Variants in CCNH observed in about 807,000 individuals in gnomAD.
CCNH encodes the protein cyclin H, also known as cyclin-H.
A neutral mutation model predicts 41.9 loss-of-function variants in CCNH; 31 were observed. The observed-to-expected ratio is 0.74, with a 90% CI of 0.56 to 1.00. The LOEUF (loss-of-function observed/expected upper bound fraction) is 1.00, where lower values mean the gene tolerates loss of function less well. CCNH is among the 50% of genes least tolerant of loss of function. The pLI is 0.00. For synonymous variants in CCNH, 138 were observed against 136.1 expected (o/e 1.01, Z -0.10); for missense variants, 362 against 388.4 (o/e 0.93, Z 0.57).
chr5:87,329,281 C>CAAAAAAAAAAAAAAAAAAAAA (rs571157213), intron 9 of CCNH, among the ~76,000 whole-genome samples: 7 of 119,174 alleles, frequency 5.9e-5, no homozygotes, highest in African/African-American at 2.1e-4. Context: ...TCTGTCTCTC[C>CAAAAAAAAAAAAAAAAAAAAA]AAAAAAAAAA....
At chr5:87,314,339 AT>A (rs1401788308), downstream of CCNH, among the ~76,000 whole-genome samples, 1 of 152,108 alleles carries the variant, frequency 6.6e-6, no homozygotes, top group Non-Finnish European at 1.5e-5. Context: ...TTCAGTTTTG[AT>A]TTGTGTTTTG....
In CCNH at chr5:87,364,527, C is replaced by T. The variant is rs559993980; in HGVS notation, c.*90+28243G>A. Reference sequence around the variant, plus strand: ...GATACCCTTTTTTTTCCCCTGAATACTCACTGATACCTCATAAAGAGTTGT... The same window carrying T: ...GATACCCTTTTTTTTCCCCTGAATATTCACTGATACCTCATAAAGAGTTGT... On this transcript the variant is annotated intron_variant and NMD_transcript_variant, in intron 9 of 9. Coordinates refer to the CCNH transcript ENST00000645953. Among the ~76,000 whole-genome samples the T allele has an allele frequency of 7.9e-5, 12 of 152,134 alleles. No individual in the cohort carries two copies. The East Asian group carries it at 2.3e-3, about 29-fold the overall frequency.
chr5:87,401,889 A>T, intron 5 of CCNH, 117 bp from the exon 6 acceptor site: 1 of 565,176 alleles, frequency 1.8e-6, no homozygotes, highest in Non-Finnish European at 3.0e-6. Flanking sequence ...TTTTAAATTT[A>T]TGAATGTATA....
At chr5:87,402,712 TCTC>T (rs1164678176) in intron 5 of CCNH, among the ~76,000 whole-genome samples, 2 of 152,136 alleles carry the variant, frequency 1.3e-5, no homozygotes, top group African/African-American at 2.4e-5. Flanking sequence ...AATCAGGAAA[TCTC>T]CTGACAACTA....
At chr5:87,389,476 G>A (rs778423443), downstream of CCNH, 2 of 1,614,154 alleles carry the variant, frequency 1.2e-6, no homozygotes, top group Non-Finnish European at 1.7e-6. Flanking sequence ...AGATTTGCGT[G>A]GCTCATTCAG....
intron 9 of CCNH, among the ~76,000 whole-genome samples, chr5:87,353,460 G>A (rs904045710): frequency 2.0e-5 from 3 of 151,950 alleles, no homozygotes; most frequent in Non-Finnish European, 4.4e-5. Flanking sequence ...AGAAGCAGTC[G>A]TGGAGGAAGG....
Position 87,363,581 on chromosome 5 carries a change from G to C in CCNH, c.*90+29189C>G, listed in dbSNP as rs1760275304. 5.4e-6 allele frequency: 8 copies of C among 1,495,228 alleles called. No individual in the cohort carries two copies. In the South Asian group the frequency reaches 8.1e-5, roughly 15 times the overall value. The allele number at this position is 1,495,228 out of a possible 1,614,324, so 92.6% of individuals were successfully genotyped here. ...AGTACAAACAAAGCAAACCAATTTT[G>C]AGAGCCCTAAAATCATCTTCTAAAA... On this transcript the variant is annotated intron_variant and NMD_transcript_variant, in intron 9 of 9. Transcript: ENST00000645953.
chr5:87,313,569 T>C (rs1324202340), downstream of CCNH, among the ~76,000 whole-genome samples: 1 of 152,224 alleles, frequency 6.6e-6, no homozygotes, highest in Non-Finnish European at 1.5e-5. Context: ...TTCAAGGCAT[T>C]GTGCCATGTG....
At chr5:87,374,688 A>G, downstream of CCNH, 1 of 1,137,024 alleles carries the variant, frequency 8.8e-7, no homozygotes, top group Non-Finnish European at 1.2e-6. Flanking sequence ...TATACCAAAT[A>G]ATAAAATATG....
chr5:87,371,110 C>G (rs541286031), intron 9 of CCNH, among the ~76,000 whole-genome samples: 7 of 152,194 alleles, frequency 4.6e-5, no homozygotes, highest in Admixed American at 1.3e-4. Flanking sequence ...ACCATGGTCC[C>G]TCTTTCTGAA....
downstream of CCNH, chr5:87,389,344 A>G (rs1189316911): frequency 1.2e-6 from 2 of 1,611,146 alleles, no homozygotes; most frequent in Non-Finnish European, 1.7e-6. Flanking sequence ...AAAAAACAAA[A>G]AAAAAGAAGA....
At chr5:87,342,694 CTG>C (rs1353096108) in intron 9 of CCNH, among the ~76,000 whole-genome samples, 1 of 152,088 alleles carries the variant, frequency 6.6e-6, no homozygotes, top group Non-Finnish European at 1.5e-5. Flanking sequence ...TTAGGGAAAA[CTG>C]TGGGAAGTAG....
intron 9 of CCNH, among the ~76,000 whole-genome samples, chr5:87,330,250 G>A (rs1452525854): frequency 6.6e-6 from 1 of 151,726 alleles, no homozygotes; most frequent in Admixed American, 6.6e-5. Context: ...AAAAATAATG[G>A]GCTTTTATTA....
At chr5:87,317,393 G>C (rs1221365858), downstream of CCNH, among the ~76,000 whole-genome samples, 1 of 151,866 alleles carries the variant, frequency 6.6e-6, no homozygotes, top group Non-Finnish European at 1.5e-5. Context: ...ATATTTTCAA[G>C]TTCACTCATC....
At chr5:87,398,308 T>C (rs1452124606) in intron 7 of CCNH, among the ~76,000 whole-genome samples, 1 of 152,244 alleles carries the variant, frequency 6.6e-6, no homozygotes, top group Non-Finnish European at 1.5e-5. Flanking sequence ...ATAAAGGCCT[T>C]GGAATTGCTG....
upstream of CCNH, chr5:87,378,381 T>A (rs767453319): frequency 1.2e-6 from 2 of 1,611,786 alleles, no homozygotes; most frequent in South Asian, 2.2e-5. Context: ...TCTTCTAATG[T>A]AAATATTTGT....
chr5:87,376,398 A>G (rs770034195), exon 1 of CCNH: 1 of 1,613,798 alleles, frequency 6.2e-7, no homozygotes, highest in African/African-American at 1.3e-5. Flanking sequence ...CCAAGTATTT[A>G]TGCGCTGCCA....
intron 9 of CCNH, among the ~76,000 whole-genome samples, chr5:87,324,811 T>A (rs1757104122): frequency 6.6e-6 from 1 of 152,200 alleles, no homozygotes; most frequent in Non-Finnish European, 1.5e-5. Flanking sequence ...GCCTAGTGGT[T>A]GTTCAAGTGA....
chr5:87,324,097 C>T (rs1217767329), intron 9 of CCNH, among the ~76,000 whole-genome samples: 13 of 152,178 alleles, frequency 8.5e-5, no homozygotes, highest in Non-Finnish European at 1.8e-4. Flanking sequence ...TTTTAACCTT[C>T]AGACGTAGTG....
Sources: gnomAD v4.1 joint callset for allele counts (sites outside exome capture counted in the v4.1 genomes callset) on GRCh38, gnomAD v4.1.1 for gene constraint, MANE v1.5 for transcripts, NCBI Gene and HGNC (gene_info 2026-07-23, HGNC 2026-07-21) for gene names.